Variants in LINGO2 observed in about 807,000 individuals in gnomAD.
LINGO2 encodes leucine-rich repeat and immunoglobulin-like domain-containing nogo receptor-interacting protein 2.
Under a neutral mutation model 30.6 loss-of-function variants are expected in LINGO2, and 14 were observed. The observed-to-expected ratio is 0.46, with a 90% confidence interval of 0.30 to 0.72. LINGO2 has a LOEUF of 0.72. Among genes scored for constraint, LINGO2 ranks in the 30% least tolerant of loss-of-function variants. LINGO2 has a pLI of 0.07. For missense variants in LINGO2, 729 were observed against 751.7 expected, an observed-to-expected ratio of 0.97 and a Z score of 0.35; for synonymous variants, 317 against 288.5, an observed-to-expected ratio of 1.10 and a Z score of -1.00.
chr9:28,947,699 T>C, the LINGO2 span, among the ~76,000 whole-genome samples: 1 of 151,548 alleles, frequency 6.6e-6, no homozygotes, highest in Non-Finnish European at 1.5e-5. Flanking sequence ...CACACACATA[T>C]ACACGTCTGT....
chr9:28,389,835 G>A (rs1821753621), intron 2 of LINGO2, among the ~76,000 whole-genome samples: 1 of 152,134 alleles, frequency 6.6e-6, no homozygotes, highest in African/African-American at 2.4e-5. Flanking sequence ...ATTACCTATG[G>A]AGGACACAAT....
intron 1 of LINGO2, among the ~76,000 whole-genome samples, chr9:28,619,084 C>A (rs1486884930): frequency 6.6e-6 from 1 of 152,106 alleles, no homozygotes; most frequent in Non-Finnish European, 1.5e-5. Flanking sequence ...GTAATAATAT[C>A]TCTCCTAAGT....
the LINGO2 span, among the ~76,000 whole-genome samples, chr9:28,772,979 T>C: frequency 6.6e-6 from 1 of 152,094 alleles, no homozygotes. Context: ...CACGTTGCCT[T>C]GAGAGATGGA....
At chr9:29,101,190 C>A in the LINGO2 span, among the ~76,000 whole-genome samples, 1 of 152,116 alleles carries the variant, frequency 6.6e-6, no homozygotes, top group Non-Finnish European at 1.5e-5. Flanking sequence ...AGTGTTGACA[C>A]TTGGAAAGGA....
the LINGO2 span, among the ~76,000 whole-genome samples, chr9:29,090,065 T>G: frequency 6.6e-6 from 1 of 152,148 alleles, no homozygotes; most frequent in Middle Eastern, 3.4e-3. Flanking sequence ...TATATTAAAT[T>G]ATAACTTAAT....
At chr9:29,163,714 A>G in the LINGO2 span, among the ~76,000 whole-genome samples, 17 of 152,316 alleles carry the variant, frequency 1.1e-4, no homozygotes, top group African/African-American at 3.8e-4. Flanking sequence ...ATACATACAC[A>G]ATGATTCAGG....
At chr9:29,005,507 T>C in the LINGO2 span, among the ~76,000 whole-genome samples, 3 of 152,036 alleles carry the variant, frequency 2.0e-5, no homozygotes, top group Non-Finnish European at 4.4e-5. Context: ...TCCTCCAGCA[T>C]ACTTTAAATT....
At chr9:28,100,806 C>T (rs537935780) in intron 4 of LINGO2, among the ~76,000 whole-genome samples, 7 of 152,144 alleles carry the variant, frequency 4.6e-5, no homozygotes, top group Non-Finnish European at 1.0e-4. Flanking sequence ...CAATGTCTGA[C>T]TTATTAGAAT....
At chr9:29,124,302 A>G in the LINGO2 span, among the ~76,000 whole-genome samples, 1 of 152,208 alleles carries the variant, frequency 6.6e-6, no homozygotes, top group Non-Finnish European at 1.5e-5. Flanking sequence ...CTAAAACTAT[A>G]AAAATCCTAG....
intron 4 of LINGO2, among the ~76,000 whole-genome samples, chr9:28,267,700 C>T (rs943986019): frequency 6.6e-6 from 1 of 151,960 alleles, no homozygotes; most frequent in Admixed American, 6.6e-5. Flanking sequence ...TTCATGAACA[C>T]CACAAATGGA....
chr9:29,086,055 C>T, the LINGO2 span, among the ~76,000 whole-genome samples: 1 of 152,044 alleles, frequency 6.6e-6, no homozygotes. Flanking sequence ...GGATGCTATG[C>T]CTATTTCATC....
chr9:28,773,150 C>T, the LINGO2 span, among the ~76,000 whole-genome samples: 16 of 152,098 alleles, frequency 1.1e-4, no homozygotes, highest in South Asian at 4.1e-4. Context: ...TGGATCACGA[C>T]GTCAGGAGAT....
chr9:27,988,438 A>G (rs1428503321), intron 5 of LINGO2, among the ~76,000 whole-genome samples: 6 of 152,014 alleles, frequency 3.9e-5, no homozygotes, highest in Admixed American at 3.3e-4. Context: ...GTCTTCCACA[A>G]TGGTTGAACT....
chr9:28,521,757 C>G (rs1051074944), intron 1 of LINGO2, among the ~76,000 whole-genome samples: 4 of 152,044 alleles, frequency 2.6e-5, no homozygotes, highest in Non-Finnish European at 4.4e-5. Flanking sequence ...CAGATATAAT[C>G]AAGTTCAGAT....
At chr9:28,536,431 A>C (rs1025524254) in intron 1 of LINGO2, among the ~76,000 whole-genome samples, 1 of 152,104 alleles carries the variant, frequency 6.6e-6, no homozygotes, top group African/African-American at 2.4e-5. Context: ...AAGTAAAATC[A>C]CTGCAAAAAT....
chr9:28,517,187 A>G (rs1820652185), intron 1 of LINGO2, among the ~76,000 whole-genome samples: 1 of 152,178 alleles, frequency 6.6e-6, no homozygotes, highest in East Asian at 1.9e-4. Flanking sequence ...CAGACAAATG[A>G]GTATAAGTGG....
chr9:29,087,542 A>G, the LINGO2 span, among the ~76,000 whole-genome samples: 1 of 152,184 alleles, frequency 6.6e-6, no homozygotes, highest in Non-Finnish European at 1.5e-5. Flanking sequence ...ACTGGATTCT[A>G]AAGCCTATGA....
At chr9:28,445,006 G>T (rs1824366690) in intron 2 of LINGO2, among the ~76,000 whole-genome samples, 1 of 152,112 alleles carries the variant, frequency 6.6e-6, no homozygotes, top group Non-Finnish European at 1.5e-5. Context: ...ACACCCCAAG[G>T]ATCCTGTGAC....
At chr9:28,627,127 G>A (rs905137379) in intron 1 of LINGO2, among the ~76,000 whole-genome samples, 1 of 151,818 alleles carries the variant, frequency 6.6e-6, no homozygotes, top group African/African-American at 2.4e-5. Context: ...TCTTTTCAAG[G>A]CTGACGTAGG....
Sources: allele counts gnomAD v4.1 joint callset (sites outside exome capture counted in the v4.1 genomes callset), GRCh38; gene constraint gnomAD v4.1.1; transcripts MANE v1.5; gene names NCBI Gene and HGNC (gene_info 2026-07-23, HGNC 2026-07-21).